Variants in EDN3 observed in about 807,000 individuals in gnomAD.
EDN3 encodes endothelin-3.
In EDN3, 9 loss-of-function variants were observed where a neutral mutation model predicts 21.4. The observed-to-expected ratio is 0.42, with a 90% CI of 0.25 to 0.73. The LOEUF is 0.73. Ranked by LOEUF, EDN3 falls within the 30% of genes least tolerant of loss-of-function variation. The pLI, the probability that EDN3 is intolerant of heterozygous loss-of-function variation, is 0.26. For synonymous variants in EDN3, 133 were observed against 126.2 expected (o/e 1.05, Z -0.36); for missense variants, 327 against 309.4 (o/e 1.06, Z -0.43).
In EDN3 at chr20:59,301,691, C is replaced by T. The variant is rs977075341; in HGVS notation, c.334C>T (p.His112Tyr). 6.2e-7 allele frequency: 1 copy of T among 1,614,202 alleles called. No homozygotes were observed. The highest frequency in any genetic ancestry group is 8.5e-7 in the Non-Finnish European group (1 of 1,180,030). Reference sequence around the variant, plus strand: ...GGACAAGGAGTGTGTCTACTATTGCCACCTGGACATCATTTGGATCAACAC... The same window carrying T: ...GGACAAGGAGTGTGTCTACTATTGCTACCTGGACATCATTTGGATCAACAC... ...YKDKECVYYC[H>Y]LDIIWINTPE... The change falls in exon 2 of 5, where the codon CAC (histidine) becomes TAC (tyrosine). Residue 112 changes from histidine (H) to tyrosine (Y), a missense_variant. By Grantham distance (83) the His-to-Tyr change is moderately conservative. Transcript: ENST00000337938.
rs1205173558 is a variant in EDN3 at position 59,301,486 on chromosome 20, G to A, written c.129G>A (p.Glu43=). ...AGGCCCCCACTGCAGCCAGATCTGA[G>A]GGGGACTGTGAAGAGACTGTGGCTG... is the stretch of plus-strand genomic sequence containing the variant. The part of the protein sequence containing the change: ...VSQAPTAARS[E]GDCEETVAGP... The change falls in exon 2 of 5, where the codon GAG becomes GAA. Residue 43 remains glutamate, a synonymous_variant. Coordinates refer to ENST00000337938, the MANE Select transcript of EDN3 (RefSeq NM_207034.3). 1.2e-6 allele frequency: 2 copies of A among 1,613,380 alleles called. No individual in the cohort carries two copies. The highest frequency in any genetic ancestry group is 1.7e-6 in the Non-Finnish European group (2 of 1,179,874).
rs1990624756 is a variant in EDN3 at position 59,322,691 on chromosome 20, A to G, written c.588+274A>G. On this transcript the variant is annotated intron_variant, in intron 4 of 4. Coordinates refer to ENST00000337938, the MANE Select transcript of EDN3 (RefSeq NM_207034.3). The surrounding 1 kb of genome is among the most constrained non-coding windows in gnomAD (Gnocchi z 4.1). ...GGGAGCCAGCCCTTGCATCCCTTGT[A>G]GCTCTGGGCAGTGATGTCCTGCCTG... 6.6e-6 allele frequency among the ~76,000 whole-genome samples: 1 copy of G among 151,920 alleles called. No individual in the cohort carries two copies. The highest frequency in any genetic ancestry group is 6.6e-5 in the Admixed American group (1 of 15,260).
chr20:59,302,912 A>G (rs1989147945), intron 2 of EDN3, among the ~76,000 whole-genome samples: 1 of 152,138 alleles, frequency 6.6e-6, no homozygotes, highest in African/African-American at 2.4e-5. Flanking sequence ...CGGCACCTCA[A>G]AAATGAAGTG....
chr20:59,301,220 G>T (rs531123109), intron 1 of EDN3, among the ~76,000 whole-genome samples, 190 bp from the exon 2 acceptor site: 88 of 152,252 alleles, frequency 5.8e-4, no homozygotes, highest in Non-Finnish European at 1.0e-3. Context: ...AGTTTTCAAC[G>T]GGTGCAGATA....
intron 3 of EDN3, 112 bp downstream of exon 3, chr20:59,321,305 C>T: frequency 7.9e-7 from 1 of 1,270,944 alleles, no homozygotes; most frequent in Middle Eastern, 2.3e-4. Flanking sequence ...ACATCCTGAC[C>T]TACTGTCGTC....
intron 4 of EDN3, chr20:59,323,666 G>C (rs747657465): frequency 5.0e-6 from 2 of 399,822 alleles, no homozygotes; most frequent in African/African-American, 2.1e-5. Context: ...TTCTCACCAG[G>C]TGACCTGAAG....
rs1325149648 is a variant in EDN3 at position 59,301,606 on chromosome 20, G to A, written c.249G>A (p.Gln83=). ...GPSPGSPGQE[Q]AAEGAPEHHR... The stretch of plus-strand genomic sequence containing the variant: ...GCCCTGGAAGCCCTGGGCAGGAGCA[G>A]GCGGCCGAGGGGGCCCCTGAGCACC... Residue 83 remains glutamine, a synonymous_variant, in exon 2 of 5, where the codon CAG becomes CAA. Coordinates refer to ENST00000337938, the MANE Select transcript of EDN3 (RefSeq NM_207034.3). 5 of 1,613,986 alleles carry A rather than the reference G, an allele frequency of 3.1e-6. No homozygotes were observed. Among genetic ancestry groups the A allele is most frequent in the Non-Finnish European group, 4.2e-6 (5 of 1,179,994 alleles).
intron 2 of EDN3, among the ~76,000 whole-genome samples, chr20:59,307,032 C>T (rs527435496): frequency 6.6e-6 from 1 of 152,320 alleles, no homozygotes; most frequent in East Asian, 1.9e-4. Flanking sequence ...GTAGTCCCAG[C>T]TACTGGAGAG....
At chr20:59,324,222 G>T (rs927919020) in intron 4 of EDN3, 109 bp from the exon 5 acceptor site, 1 of 1,382,108 alleles carries the variant, frequency 7.2e-7, no homozygotes, top group African/African-American at 1.4e-5. Context: ...GGAACAGGCT[G>T]GAGAGGCAGT....
At chr20:59,301,331 C>G (rs201825713) in intron 1 of EDN3, 79 bp from the exon 2 acceptor site, 1 of 1,525,062 alleles carries the variant, frequency 6.6e-7, no homozygotes, top group African/African-American at 1.4e-5. Flanking sequence ...CTCCACCCCC[C>G]TCCTCAGGTG....
intron 2 of EDN3, among the ~76,000 whole-genome samples, chr20:59,314,980 T>G (rs1277972017): frequency 6.6e-6 from 1 of 152,250 alleles, no homozygotes; most frequent in Non-Finnish European, 1.5e-5. Context: ...GTAGGTGTGC[T>G]GGAGGGCATT....
chr20:59,313,823 G>A (rs907950526), intron 2 of EDN3, among the ~76,000 whole-genome samples: 2 of 152,310 alleles, frequency 1.3e-5, no homozygotes, highest in Middle Eastern at 3.4e-3. Context: ...GCGCCTGTGT[G>A]TGTTCTCTGC....
At chr20:59,314,976 G>A (rs1310575073) in intron 2 of EDN3, among the ~76,000 whole-genome samples, 1 of 152,202 alleles carries the variant, frequency 6.6e-6, no homozygotes, top group Non-Finnish European at 1.5e-5. Context: ...ATATGTAGGT[G>A]TGCTGGAGGG....
intron 2 of EDN3, among the ~76,000 whole-genome samples, chr20:59,303,575 A>C (rs1989194071): frequency 6.6e-6 from 1 of 152,204 alleles, no homozygotes. Flanking sequence ...GTGGGAGAGG[A>C]TTTGGAAACC....
In EDN3 at chr20:59,321,093, A is replaced by G. The variant is rs1242282906; in HGVS notation, c.442A>G (p.Asn148Asp). 1 of 1,614,198 alleles carries G rather than the reference A, an allele frequency of 6.2e-7. No individual in the cohort carries two copies. Reference protein sequence around the residue: ...GKRSAGPLPGNLQLSHRPHLR... With the variant: ...GKRSAGPLPGDLQLSHRPHLR... ...GAGGTCTGCGGGGCCACTTCCAGGG[A>G]ATCTGCAGCTCTCACATCGGCCACA... The change falls in exon 3 of 5, where the codon AAT becomes GAT. Residue 148 changes from asparagine to aspartate, a missense_variant. Coordinates refer to ENST00000337938, the MANE Select transcript of EDN3 (RefSeq NM_207034.3).
In EDN3 at chr20:59,321,129, G is replaced by A. The variant is rs778461734; in HGVS notation, c.478G>A (p.Ala160Thr). The A allele has an allele frequency of 1.4e-5, 23 of 1,614,240 alleles. No individual in the cohort carries two copies. Among genetic ancestry groups the A allele is most frequent in the East Asian group, 2.2e-5 (1 of 44,880 alleles). The change falls in exon 3 of 5, where the codon GCT becomes ACT. Residue 160 changes from alanine to threonine, a missense_variant. Transcript: ENST00000337938. ...CTCACATCGGCCACACTTGCGCTGC[G>A]CTTGTGTGGGGAGATATGACAAGGC... Reference protein sequence around the residue: ...QLSHRPHLRCACVGRYDKACL... With the variant: ...QLSHRPHLRCTCVGRYDKACL...
At position 59,324,596 on chromosome 20, in the gene EDN3, A is replaced by G. The variant is rs1053285924; in HGVS notation, c.*137A>G. On this transcript the variant is annotated 3_prime_UTR_variant, in exon 5 of 5. Transcript: ENST00000337938. Reference sequence around the variant, plus strand: ...CCACCCAAAGAGTCCCCACTTAACAATACCCCCCCCCCACGGCAAGAATGC... The same window carrying G: ...CCACCCAAAGAGTCCCCACTTAACAGTACCCCCCCCCCACGGCAAGAATGC... 1 of 1,155,384 alleles carries G rather than the reference A, an allele frequency of 8.7e-7. No homozygotes were observed. The highest frequency in any genetic ancestry group is 1.8e-5 in the African/African-American group (1 of 54,558). The allele number at this position is 1,155,384 out of a possible 1,614,324, so 71.6% of individuals were successfully genotyped here.
chr20:59,303,202 G>T (rs1479108664), intron 2 of EDN3, among the ~76,000 whole-genome samples: 1 of 152,214 alleles, frequency 6.6e-6, no homozygotes, highest in Non-Finnish European at 1.5e-5. Context: ...TTCTGTAGCT[G>T]GTCGTGATAC....
At chr20:59,315,055 C>T (rs547038356) in intron 2 of EDN3, among the ~76,000 whole-genome samples, 5 of 152,334 alleles carry the variant, frequency 3.3e-5, no homozygotes, top group Admixed American at 1.3e-4. Flanking sequence ...ATTAGAGCCA[C>T]GTTCTGACTG....
Sources: gnomAD v4.1 joint callset for allele counts (sites outside exome capture counted in the v4.1 genomes callset) on GRCh38, gnomAD v4.1.1 for gene constraint, Gnocchi (gnomAD v3.1) non-coding constraint, MANE v1.5 for transcripts, NCBI Gene and HGNC (gene_info 2026-07-23, HGNC 2026-07-21) for gene names.